MYNN: variants seen among roughly 807,000 people sequenced by gnomAD.
The protein encoded by MYNN is myoneurin.
A neutral mutation model predicts 57.2 loss-of-function variants in MYNN; 22 were observed. That is an observed-to-expected ratio of 0.38 (90% CI 0.27 to 0.55). The LOEUF (loss-of-function observed/expected upper bound fraction) is 0.55, where lower values mean the gene tolerates loss of function less well. MYNN is among the 20% of genes least tolerant of loss of function. MYNN has a pLI of 0.71. For synonymous variants in MYNN, 241 were observed against 257.1 expected, an observed-to-expected ratio of 0.94 and a Z score of 0.60; for missense variants, 566 against 723.1, an observed-to-expected ratio of 0.78 and a Z score of 2.49.
rs746880942 is a variant in MYNN, at chr3:169,779,273, C to T, written c.772C>T (p.Arg258Trp). Residue 258 changes from arginine to tryptophan, a missense_variant, in exon 3 of 8, where the codon CGG (arginine) becomes TGG (tryptophan). Transcript: ENST00000349841. ...TATTGTGCACACTGTTACAGTGAAACGGAAACGTGGAAAATCACAGCCAAA... is the reference window on the plus strand; with the variant it reads ...TATTGTGCACACTGTTACAGTGAAATGGAAACGTGGAAAATCACAGCCAAA... Reference protein sequence around the residue: ...QDIVHTVTVKRKRGKSQPNCA... With the variant: ...QDIVHTVTVKWKRGKSQPNCA... 22 of 1,614,118 alleles carry T rather than the reference C, an allele frequency of 1.4e-5. No individual in the cohort carries two copies. Among genetic ancestry groups the T allele is most frequent in the African/African-American group, 2.7e-5 (2 of 75,034 alleles).
At chr3:169,779,703 T>C in intron 3 of MYNN, 142 bp downstream of exon 3, 1 of 855,710 alleles carries the variant, frequency 1.2e-6, no homozygotes, top group Non-Finnish European at 1.7e-6. Flanking sequence ...AGTGTTAAAC[T>C]GTTGAAAATT....
At chr3:169,774,057 C>T (rs1031278848) in intron 1 of MYNN, 3 of 453,080 alleles carry the variant, frequency 6.6e-6, no homozygotes, top group Admixed American at 7.4e-5. Flanking sequence ...CATTCACCGT[C>T]ACTTATTGAT....
At position 169,786,748 on chromosome 3, in the gene MYNN, A is replaced by G. The variant is rs543118756; in HGVS notation, c.*70A>G. On this transcript the variant is annotated 3_prime_UTR_variant, in exon 8 of 8. Transcript: ENST00000349841. ...CATCTCTGGTAAGGTGCATATATTCATATTAAATTCCCATTCATTTGAGTT... is the reference window on the plus strand; with the variant it reads ...CATCTCTGGTAAGGTGCATATATTCGTATTAAATTCCCATTCATTTGAGTT... 3 of 1,437,466 alleles carry G rather than the reference A, an allele frequency of 2.1e-6. No individual in the cohort carries two copies. Among genetic ancestry groups the G allele is most frequent in the Admixed American group, 2.0e-5 (1 of 49,152 alleles). The allele number at this position is 1,437,466 out of a possible 1,614,324, so 89.0% of individuals were successfully genotyped here.
chr3:169,788,008 ACAT>A lies in MYNN; in HGVS notation c.*1334_*1336del, dbSNP rs1778721044. ...CAAGGCTGTTGTTCAGTGTGAGATG[ACAT>A]CATTTCTTATTTCTGCCATGCTGTG... is the stretch of plus-strand genomic sequence containing the variant. On this transcript the variant is annotated 3_prime_UTR_variant, in exon 8 of 8. Coordinates refer to ENST00000349841, the MANE Select transcript of MYNN (RefSeq NM_018657.5). 1 of 151,964 alleles carries A rather than the reference ACAT, an allele frequency of 6.6e-6. No homozygotes were observed. The highest frequency in any genetic ancestry group is 2.1e-4 in the South Asian group (1 of 4,826). 9.4% of individuals were successfully genotyped at this position (151,964 alleles called of 1,614,324 possible). A position where few individuals can be genotyped will look rare whatever the true frequency, so the allele number is the denominator to read the frequency against.
rs780231347 is a variant in MYNN, at chr3:169,780,668, A to G, written c.1139A>G (p.His380Arg). The G allele has an allele frequency of 2.5e-5, 41 of 1,613,266 alleles. No homozygotes were observed. In the Admixed American group the frequency reaches 5.0e-4, roughly 20 times the overall value. Residue 380 changes from histidine (H) to arginine (R), a missense_variant, in exon 4 of 8, where the codon CAT (histidine) becomes CGT (arginine). Physicochemically the swap from His to Arg is conservative, Grantham distance 29 (BLOSUM62 0). Coordinates refer to ENST00000349841, the MANE Select transcript of MYNN (RefSeq NM_018657.5). ...KCQLVFHSRMHHGEEKPYKCD... is the reference protein window; with the variant it reads ...KCQLVFHSRMRHGEEKPYKCD... ...CAGCTAGTCTTCCATAGTCGCATGCATCATGGTGAAGAAAAACCCTATAAA... is the reference window on the plus strand; with the variant it reads ...CAGCTAGTCTTCCATAGTCGCATGCGTCATGGTGAAGAAAAACCCTATAAA...
chr3:169,780,541 C>T lies in MYNN; in HGVS notation c.1061-49C>T, dbSNP rs762133646. 7 of 1,394,320 alleles carry T rather than the reference C, an allele frequency of 5.0e-6. No individual in the cohort carries two copies. In the Admixed American group the frequency reaches 9.1e-5, roughly 18 times the overall value. The allele number at this position is 1,394,320 out of a possible 1,614,324, so 86.4% of individuals were successfully genotyped here. ...TTGATGAAATCTTATATGACTTATG[C>T]AACCAAAACACTATTTTCTTCTAAA... On this transcript the variant is annotated intron_variant, in intron 3 of 7. Transcript: ENST00000349841.
chr3:169,782,643 G>A lies in MYNN; in HGVS notation c.1399G>A (p.Gly467Ser). 1 of 1,612,658 alleles carries A rather than the reference G, an allele frequency of 6.2e-7. No individual in the cohort carries two copies. Among genetic ancestry groups the A allele is most frequent in the Non-Finnish European group, 8.5e-7 (1 of 1,179,394 alleles). ...SLITHSRKHT[G>S]EKPYICGICG... ...TATCACTCATTCTCGAAAACATACA[G>A]GTAAGTTTGACAGGGAGAGACTGCT... The change falls in exon 5 of 8, where the codon GGT (glycine) becomes AGT (serine). Residue 467 changes from glycine to serine, a missense_variant and splice_region_variant. Physicochemically the swap from Gly to Ser is moderately conservative, Grantham distance 56. Transcript: ENST00000349841. The surrounding 1 kb of genome is among the most constrained non-coding windows in gnomAD (Gnocchi z 4.8).
chr3:169,784,745 T>A, intron 7 of MYNN, 37 bp downstream of exon 7: 1 of 1,373,060 alleles, frequency 7.3e-7, no homozygotes, highest in Non-Finnish European at 1.0e-6. Context: ...TTTGTTTGTT[T>A]TAATTTGGTG....
Position 169,782,423 on chromosome 3 carries a change from A to T in MYNN, c.1221-42A>T. 6.5e-7 allele frequency: 1 copy of T among 1,531,352 alleles called. No homozygotes were observed. Among genetic ancestry groups the T allele is most frequent in the African/African-American group, 1.4e-5 (1 of 72,516 alleles). The allele number at this position is 1,531,352 out of a possible 1,614,324, so 94.9% of individuals were successfully genotyped here. On this transcript the variant is annotated intron_variant, in intron 4 of 7. Coordinates refer to ENST00000349841, the MANE Select transcript of MYNN (RefSeq NM_018657.5). The surrounding 1 kb of genome is among the most constrained non-coding windows in gnomAD (Gnocchi z 4.8). ...TTATGAATTCTTGCTATATAGACTGACCTCCAAATTGTTTTACTTATTTAA... is the reference window on the plus strand; with the variant it reads ...TTATGAATTCTTGCTATATAGACTGTCCTCCAAATTGTTTTACTTATTTAA...
chr3:169,782,735 TG>T lies in MYNN; in HGVS notation c.1399+93del. 1.1e-6 allele frequency: 1 copy of T among 932,610 alleles called. No homozygotes were observed. 57.8% of individuals were successfully genotyped at this position (932,610 alleles called of 1,614,324 possible). A position where few individuals can be genotyped will look rare whatever the true frequency, so the allele number is the denominator to read the frequency against. On this transcript the variant is annotated intron_variant, in intron 5 of 7. Coordinates refer to ENST00000349841, the MANE Select transcript of MYNN (RefSeq NM_018657.5). This position sits in a 1 kb window ranked among gnomAD's most constrained non-coding sequence, Gnocchi z 4.8. ...TTTTAGCGAAGTAGATCGGAAACTT[TG>T]TAGTTAGATATCTGTTTATATTTCT...
chr3:169,783,767 G>A (rs997241115), intron 6 of MYNN: 2 of 623,470 alleles, frequency 3.2e-6, no homozygotes, highest in East Asian at 3.2e-5. Context: ...AAAGAATTGT[G>A]TTGGTTTTCC....
At chr3:169,779,947 A>G (rs1039904929) in intron 3 of MYNN, 3 of 202,530 alleles carry the variant, frequency 1.5e-5, no homozygotes, top group Admixed American at 5.2e-5. Context: ...GAACATGTTC[A>G]TTGGAATTAC....
intron 3 of MYNN, 150 bp downstream of exon 3, chr3:169,779,711 AT>A (rs1480776481): frequency 1.2e-6 from 1 of 802,924 alleles, no homozygotes; most frequent in Non-Finnish European, 1.9e-6. Flanking sequence ...ACTGTTGAAA[AT>A]TTATTTGTAA....
intron 2 of MYNN, among the ~76,000 whole-genome samples, chr3:169,776,045 G>A (rs1778330368): frequency 6.6e-6 from 1 of 152,132 alleles, no homozygotes; most frequent in Non-Finnish European, 1.5e-5. Flanking sequence ...GTTGATTAAA[G>A]GAAAAGAGCA....
At chr3:169,778,734 C>T in intron 2 of MYNN, 34 bp from the exon 3 acceptor site, 1 of 1,524,936 alleles carries the variant, frequency 6.6e-7, no homozygotes, top group African/African-American at 1.4e-5. Flanking sequence ...TTTCTTTGAT[C>T]AGAATATTGT....
chr3:169,776,694 ATTTTTTTTTT>A (rs10681957), intron 2 of MYNN, among the ~76,000 whole-genome samples: 11 of 105,628 alleles, frequency 1.0e-4, no homozygotes, highest in African/African-American at 1.5e-4. Context: ...TGTTGAACAA[ATTTTTTTTTT>A]TTTTTTTTTT....
chr3:169,782,910 G>A lies in MYNN; in HGVS notation c.1399+267G>A, dbSNP rs905624457. Among the ~76,000 whole-genome samples the A allele has an allele frequency of 6.6e-6, 1 of 152,072 alleles. No individual in the cohort carries two copies. Among genetic ancestry groups the A allele is most frequent in the African/African-American group, 2.4e-5 (1 of 41,402 alleles). On this transcript the variant is annotated intron_variant, in intron 5 of 7. Transcript: ENST00000349841. The surrounding 1 kb of genome is among the most constrained non-coding windows in gnomAD (Gnocchi z 4.8). ...TTGATATTATATAAACTTGCATTGA[G>A]ATGCATTTTGTGACTTTATAAAAAC...
At position 169,787,168 on chromosome 3, in the gene MYNN, A is replaced by T. The variant is rs1457462665; in HGVS notation, c.*490A>T. 2.0e-5 allele frequency: 3 copies of T among 152,880 alleles called. No homozygotes were observed. Among genetic ancestry groups the T allele is most frequent in the Admixed American group, 2.0e-4 (3 of 15,316 alleles). 9.5% of individuals were successfully genotyped at this position (152,880 alleles called of 1,614,324 possible). A position where few individuals can be genotyped will look rare whatever the true frequency, so the allele number is the denominator to read the frequency against. On this transcript the variant is annotated 3_prime_UTR_variant, in exon 8 of 8. Coordinates refer to ENST00000349841, the MANE Select transcript of MYNN (RefSeq NM_018657.5). ...AAAATTTCATATTTTCGCTCGTAAA[A>T]ATTTAGGCGCTGAATAAGAATTGTG...
At chr3:169,775,487 C>A (rs898871923) in intron 2 of MYNN, among the ~76,000 whole-genome samples, 1 of 152,102 alleles carries the variant, frequency 6.6e-6, no homozygotes, top group Non-Finnish European at 1.5e-5. Context: ...TAGATCTTTC[C>A]TGTCAGTCGC....
Sources: gnomAD v4.1 joint callset for allele counts (sites outside exome capture counted in the v4.1 genomes callset) on GRCh38, gnomAD v4.1.1 for gene constraint, Gnocchi (gnomAD v3.1) non-coding constraint, MANE v1.5 for transcripts, NCBI Gene and HGNC (gene_info 2026-07-23, HGNC 2026-07-21) for gene names.